Variants in EHHADH observed in about 807,000 individuals in gnomAD.
EHHADH encodes enoyl-CoA hydratase and 3-hydroxyacyl CoA dehydrogenase, also known as peroxisomal bifunctional enzyme.
Under a neutral mutation model 64.4 loss-of-function variants are expected in EHHADH, and 48 were observed. That is an observed-to-expected ratio of 0.75 (90% CI 0.59 to 0.95). The LOEUF (loss-of-function observed/expected upper bound fraction) is 0.95, where lower values mean the gene tolerates loss of function less well. EHHADH is among the 40% of genes least tolerant of loss of function. The pLI, the probability that EHHADH is intolerant of heterozygous loss-of-function variation, is 0.00. For missense variants in EHHADH, 854 were observed against 876.6 expected (o/e 0.97, Z 0.33); for synonymous variants, 308 against 326.7 (o/e 0.94, Z 0.62).
At chr3:185,246,282 T>C in intron 2 of EHHADH, 1 of 818,520 alleles carries the variant, frequency 1.2e-6, no homozygotes, top group Non-Finnish European at 2.0e-6. Flanking sequence ...ATTGTCAGCT[T>C]CCAAATCTTT....
intron 5 of EHHADH, among the ~76,000 whole-genome samples, chr3:185,214,655 C>G (rs189659678): frequency 6.6e-6 from 1 of 152,154 alleles, no homozygotes. Context: ...TAAGAACACA[C>G]GCACACACTT....
intron 6 of EHHADH, among the ~76,000 whole-genome samples, chr3:185,196,614 C>A (rs541072379): frequency 1.3e-5 from 2 of 151,422 alleles, no homozygotes; most frequent in African/African-American, 4.9e-5. Flanking sequence ...CACTCCAGCC[C>A]GGGCAACAAG....
intron 1 of EHHADH, among the ~76,000 whole-genome samples, chr3:185,252,168 G>A (rs1224480202): frequency 1.3e-5 from 2 of 152,154 alleles, no homozygotes; most frequent in African/African-American, 2.4e-5. Context: ...TTGGGAGGCC[G>A]AGGCAGGTGG....
In EHHADH at chr3:185,192,269, T is replaced by G. The variant is rs138302598; in HGVS notation, c.2129A>C (p.Lys710Thr). Reference protein sequence around the residue: ...KLASQGNPPLKEWQSLAGSPS... With the variant: ...KLASQGNPPLTEWQSLAGSPS... ...GGAGCCTGCCAAGCTTTGCCATTCT[T>G]TCAGGGGAGGGTTTCCCTGAGAAGC... The change falls in exon 7 of 7, where the codon AAA (lysine) becomes ACA (threonine). Residue 710 changes from lysine to threonine, a missense_variant. Physicochemically the swap from Lys to Thr is moderately conservative, Grantham distance 78 (BLOSUM62 -1). Transcript: ENST00000231887. 13 of 1,613,960 alleles carry G rather than the reference T, an allele frequency of 8.1e-6. No individual in the cohort carries two copies. In the African/African-American group the frequency reaches 1.7e-4, roughly 22 times the overall value.
chr3:185,192,612 G>A lies in EHHADH; in HGVS notation c.1786C>T (p.Leu596Phe). ...CTATACCGTGATAGGAATTTGGAAA[G>A]CCAGGGATCAGGTTTGTGAATCCTA... The part of the protein sequence containing the change: ...LGRIHKPDPW[L>F]SKFLSRYRKT... The change falls in exon 7 of 7, where the codon CTT becomes TTT. Residue 596 changes from leucine to phenylalanine, a missense_variant. Transcript: ENST00000231887. 6.2e-7 allele frequency: 1 copy of A among 1,614,214 alleles called. No individual in the cohort carries two copies.
chr3:185,217,765 CT>C (rs967977785), intron 5 of EHHADH, among the ~76,000 whole-genome samples: 32 of 8,254 alleles, frequency 3.9e-3, no homozygotes, highest in African/African-American at 5.3e-3. Context: ...TCAGGATTTT[CT>C]TTTTTTTTTT....
At chr3:185,240,799 TTC>T (rs1240767758) in intron 2 of EHHADH, among the ~76,000 whole-genome samples, 2 of 152,134 alleles carry the variant, frequency 1.3e-5, no homozygotes, top group African/African-American at 4.8e-5. Context: ...TATTTCTTTT[TTC>T]TGTTTTTATT....
chr3:185,200,906 G>T (rs546325063), intron 6 of EHHADH, among the ~76,000 whole-genome samples: 1 of 152,106 alleles, frequency 6.6e-6, no homozygotes, highest in South Asian at 2.1e-4. Context: ...AGGATTTTGC[G>T]GGGAGCACAA....
At chr3:185,227,948 C>A (rs7643601) in intron 4 of EHHADH, among the ~76,000 whole-genome samples, 10,385 of 151,598 alleles carry the variant, frequency 0.069, 1,181 homozygotes, top group African/African-American at 0.23. Flanking sequence ...GCCACATCAC[C>A]CTATAGTAGG....
chr3:185,245,700 A>G, intron 2 of EHHADH: 1 of 714,452 alleles, frequency 1.4e-6, no homozygotes, highest in South Asian at 1.5e-5. Context: ...GTTGGTTATT[A>G]CCATCTATAG....
chr3:185,249,289 C>A (rs557140789), intron 1 of EHHADH, among the ~76,000 whole-genome samples: 1 of 152,066 alleles, frequency 6.6e-6, no homozygotes, highest in African/African-American at 2.4e-5. Flanking sequence ...CCACCACGTC[C>A]GGCTAATTTT....
chr3:185,239,081 G>A (rs1456235117), intron 2 of EHHADH, among the ~76,000 whole-genome samples: 1 of 151,984 alleles, frequency 6.6e-6, no homozygotes, highest in Non-Finnish European at 1.5e-5. Flanking sequence ...CTTTATTGAA[G>A]ATCAGTTGGT....
At chr3:185,206,283 TA>T (rs60032581) in intron 5 of EHHADH, among the ~76,000 whole-genome samples, 9,150 of 123,560 alleles carry the variant, frequency 0.074, 327 homozygotes, top group Admixed American at 0.1. Context: ...CCAAAAACAA[TA>T]AAAAAAAAAA....
intron 6 of EHHADH, among the ~76,000 whole-genome samples, chr3:185,199,791 G>T (rs1464648825): frequency 6.6e-6 from 1 of 152,160 alleles, no homozygotes; most frequent in Non-Finnish European, 1.5e-5. Flanking sequence ...TGTTGCCCAG[G>T]ATGGAGTACA....
At chr3:185,211,161 A>G (rs995808257) in intron 5 of EHHADH, among the ~76,000 whole-genome samples, 1 of 152,186 alleles carries the variant, frequency 6.6e-6, no homozygotes, top group Non-Finnish European at 1.5e-5. Flanking sequence ...CTTTGGGTGT[A>G]TAAGTACAGT....
chr3:185,198,083 C>T (rs980383452), intron 6 of EHHADH, among the ~76,000 whole-genome samples: 3 of 152,094 alleles, frequency 2.0e-5, no homozygotes. Context: ...AGGCGTGAGC[C>T]ACTGTGCCTG....
intron 5 of EHHADH, among the ~76,000 whole-genome samples, chr3:185,212,563 CGTT>C (rs549121841): frequency 2.6e-5 from 4 of 152,022 alleles, no homozygotes; most frequent in Non-Finnish European, 4.4e-5. Context: ...CTTCTTCTTT[CGTT>C]GTTGTTGTTG....
chr3:185,222,413 C>T (rs572174254), intron 4 of EHHADH, among the ~76,000 whole-genome samples: 60 of 152,114 alleles, frequency 3.9e-4, no homozygotes, highest in Non-Finnish European at 5.4e-4. Context: ...AGAAAAATCA[C>T]TGCAAGCTTT....
At chr3:185,229,198 C>T (rs149497957) in intron 4 of EHHADH, among the ~76,000 whole-genome samples, 3 of 152,310 alleles carry the variant, frequency 2.0e-5, no homozygotes, top group African/African-American at 4.8e-5. Flanking sequence ...AAATTTGATT[C>T]GCTCTTTGCA....
Sources: gnomAD v4.1 joint callset for allele counts (sites outside exome capture counted in the v4.1 genomes callset) on GRCh38, gnomAD v4.1.1 for gene constraint, MANE v1.5 for transcripts, NCBI Gene and HGNC (gene_info 2026-07-23, HGNC 2026-07-21) for gene names.